Variants in RAB40A observed in about 807,000 individuals in gnomAD.
RAB40A encodes the protein RAB40A, member RAS oncogene family.
For synonymous variants in RAB40A, 65 were observed against 99.9 expected (o/e 0.65, Z 2.08); for missense variants, 145 against 230.2 (o/e 0.63, Z 2.40).
At chrX:103,518,137 ATTC>A (rs2073325210) in intron 1 of RAB40A, among the ~76,000 whole-genome samples, 3 of 111,935 alleles carry the variant, frequency 2.7e-5, no homozygotes, top group African/African-American at 9.7e-5. Context: ...CTTTGTAGAA[ATTC>A]TATTGGACTC....
At chrX:103,502,767 G>A (rs2073235439) in intron 2 of RAB40A, 2 of 759,566 alleles carry the variant, frequency 2.6e-6, no homozygotes, top group South Asian at 6.9e-5. Flanking sequence ...ACCTGGGAAG[G>A]TGACTTAGGC....
chrX:103,513,185 G>A (rs2073299984), intron 2 of RAB40A, among the ~76,000 whole-genome samples: 1 of 112,036 alleles, frequency 8.9e-6, no homozygotes, highest in Non-Finnish European at 1.9e-5. Context: ...TGAAGGTCAT[G>A]AGATGAAAGT....
downstream of RAB40A, among the ~76,000 whole-genome samples, chrX:103,496,734 G>A (rs975960694): frequency 2.7e-5 from 3 of 112,497 alleles, no homozygotes; most frequent in Non-Finnish European, 5.6e-5. Flanking sequence ...TACTTCAACT[G>A]ATAGCACAGT....
At chrX:103,503,593 T>C in intron 2 of RAB40A, 1 of 471,373 alleles carries the variant, frequency 2.1e-6, no homozygotes, top group Non-Finnish European at 2.6e-6. Context: ...AAAATGGAGA[T>C]AGCTGTGATG....
intron 2 of RAB40A, among the ~76,000 whole-genome samples, chrX:103,514,945 A>G (rs934976095): frequency 2.7e-5 from 3 of 112,201 alleles, no homozygotes; most frequent in Non-Finnish European, 3.8e-5. Context: ...ATGCATCATA[A>G]TGTACATTCA....
At chrX:103,519,317 C>T (rs2073331053) in intron 1 of RAB40A, 53 bp downstream of exon 1, 1 of 111,556 alleles carries the variant, frequency 9.0e-6, no homozygotes, top group African/African-American at 3.3e-5. Flanking sequence ...AGTTATTTCT[C>T]CTAATGGTAA....
chrX:103,511,171 C>T (rs2073287175), intron 2 of RAB40A, among the ~76,000 whole-genome samples: 1 of 111,276 alleles, frequency 9.0e-6, no homozygotes, highest in Non-Finnish European at 1.9e-5. Flanking sequence ...GAAAACGTGA[C>T]ATATACACCA....
At chrX:103,508,998 G>A (rs990415339) in intron 2 of RAB40A, among the ~76,000 whole-genome samples, 2 of 112,123 alleles carry the variant, frequency 1.8e-5, no homozygotes, top group South Asian at 3.7e-4. Flanking sequence ...CTTCCTGAGA[G>A]ACAAAAATCC....
intron 2 of RAB40A, among the ~76,000 whole-genome samples, chrX:103,503,867 A>C (rs956965097): frequency 2.7e-5 from 3 of 112,175 alleles, no homozygotes; most frequent in African/African-American, 9.7e-5. Context: ...CTAGACACAC[A>C]CACACATGCA....
At chrX:103,493,282 CT>C in the RAB40A span, among the ~76,000 whole-genome samples, 1 of 111,101 alleles carries the variant, frequency 9.0e-6, no homozygotes, top group East Asian at 2.8e-4. Flanking sequence ...GTTTTAAAAT[CT>C]TTTATTTTTA....
At position 103,500,774 on chromosome X, in the gene RAB40A, C is replaced by A; in HGVS notation, c.-18G>T. ...GCGCTCATGGTGCTGGCCCCGCACT[C>A]CCGCCTGAGCCAGGCCCGCGGGGTT... On this transcript the variant is annotated 5_prime_UTR_variant, in exon 3 of 3. Transcript: ENST00000304236. 8.3e-7 allele frequency: 1 copy of A among 1,201,293 alleles called. No homozygotes were observed. Among genetic ancestry groups the A allele is most frequent in the Non-Finnish European group, 1.1e-6 (1 of 890,161 alleles).
chrX:103,514,787 T>G (rs1326509476), intron 2 of RAB40A, among the ~76,000 whole-genome samples: 1 of 112,425 alleles, frequency 8.9e-6, no homozygotes, highest in Non-Finnish European at 1.9e-5. Context: ...TAGTTCTGAT[T>G]ATAAAAATGA....
chrX:103,498,950 T>C (rs1395630526), downstream of RAB40A, among the ~76,000 whole-genome samples: 7 of 111,740 alleles, frequency 6.3e-5, no homozygotes, highest in Non-Finnish European at 1.3e-4. Flanking sequence ...ACCTCTATAT[T>C]GATCTGAGAG....
At chrX:103,513,134 A>G (rs2073299706) in intron 2 of RAB40A, among the ~76,000 whole-genome samples, 1 of 112,195 alleles carries the variant, frequency 8.9e-6, no homozygotes, top group African/African-American at 3.2e-5. Flanking sequence ...TGAACCTCAC[A>G]TTCAACAGCC....
intron 2 of RAB40A, among the ~76,000 whole-genome samples, chrX:103,509,828 C>CG (rs1347231765): frequency 2.9e-5 from 3 of 102,144 alleles, no homozygotes; most frequent in Non-Finnish European, 3.9e-5. Context: ...TTTTTTAAGA[C>CG]GGAGTCTTGC....
chrX:103,500,853 A>G lies in RAB40A; in HGVS notation c.-70-27T>C. ...TTCTTGAGAAATTAGCATAGAACAT[A>G]AAAAATGAGATGGGGAAGTCTGTGA... On this transcript the variant is annotated intron_variant, in intron 2 of 2. Coordinates refer to ENST00000304236, the MANE Select transcript of RAB40A (RefSeq NM_080879.3). 4.5e-6 allele frequency: 5 copies of G among 1,118,867 alleles called. No individual in the cohort carries two copies. In the South Asian group the frequency reaches 1.1e-4, roughly 25 times the overall value. 92.2% of individuals were successfully genotyped at this position (1,118,867 alleles called of 1,213,427 possible).
chrX:103,504,918 CTT>C (rs1216570893), intron 2 of RAB40A, among the ~76,000 whole-genome samples: 1 of 111,988 alleles, frequency 8.9e-6, no homozygotes, highest in African/African-American at 3.2e-5. Context: ...TGAAGAGACA[CTT>C]ATGTTTACAA....
chrX:103,518,715 A>G (rs998878706), intron 1 of RAB40A, among the ~76,000 whole-genome samples: 2 of 111,641 alleles, frequency 1.8e-5, no homozygotes, highest in Admixed American at 1.9e-4. Flanking sequence ...AACAATATCA[A>G]CTCATTGCTT....
chrX:103,502,804 T>C (rs1360465334), intron 2 of RAB40A: 42 of 739,437 alleles, frequency 5.7e-5, no homozygotes, highest in Admixed American at 8.8e-5. Context: ...TGATTATCTG[T>C]GAGATAGAAC....
Sources: allele counts gnomAD v4.1 joint callset (sites outside exome capture counted in the v4.1 genomes callset), GRCh38; gene constraint gnomAD v4.1.1; transcripts MANE v1.5; gene names NCBI Gene and HGNC (gene_info 2026-07-23, HGNC 2026-07-21).